The following SHISA9 variants were observed in gnomAD, a reference collection of about 807,000 sequenced individuals.
SHISA9 encodes the protein shisa family member 9.
A neutral mutation model predicts 38.0 loss-of-function variants in SHISA9; 13 were observed. The ratio of observed to expected loss-of-function variants is 0.34; its 90% confidence interval spans 0.22 to 0.54. SHISA9 has a LOEUF of 0.54. Ranked by LOEUF, SHISA9 falls within the 20% of genes least tolerant of loss-of-function variation. The pLI, the probability that SHISA9 is intolerant of heterozygous loss-of-function variation, is 0.91. For synonymous variants in SHISA9, 275 were observed against 242.0 expected, an observed-to-expected ratio of 1.14 and a Z score of -1.27; for missense variants, 538 against 575.8, an observed-to-expected ratio of 0.93 and a Z score of 0.67.
At chr16:13,534,108 C>G in the SHISA9 span, among the ~76,000 whole-genome samples, 24 of 152,082 alleles carry the variant, frequency 1.6e-4, no homozygotes, top group Admixed American at 1.5e-3. Context: ...AAGAACACTT[C>G]CCTTAATACC....
At chr16:13,253,060 T>C in the SHISA9 span, among the ~76,000 whole-genome samples, 2 of 152,220 alleles carry the variant, frequency 1.3e-5, no homozygotes, top group Admixed American at 1.3e-4. Flanking sequence ...ATAGGAAATA[T>C]ATTTTCCCTT....
At chr16:13,443,618 G>A in the SHISA9 span, among the ~76,000 whole-genome samples, 65 of 152,208 alleles carry the variant, frequency 4.3e-4, no homozygotes, top group African/African-American at 1.5e-3. Context: ...AATCAATTCT[G>A]CATGTTCCCA....
At chr16:13,504,479 A>G in the SHISA9 span, among the ~76,000 whole-genome samples, 1 of 152,170 alleles carries the variant, frequency 6.6e-6, no homozygotes, top group Non-Finnish European at 1.5e-5. Context: ...TAATCCCATT[A>G]GTCACATTCA....
chr16:13,502,255 C>G, the SHISA9 span, among the ~76,000 whole-genome samples: 2 of 152,246 alleles, frequency 1.3e-5, no homozygotes, highest in South Asian at 4.2e-4. Flanking sequence ...CAAGATGATT[C>G]ACACCCATGA....
At chr16:13,038,470 C>T (rs2073098827) in intron 2 of SHISA9, among the ~76,000 whole-genome samples, 1 of 152,214 alleles carries the variant, frequency 6.6e-6, no homozygotes, top group African/African-American at 2.4e-5. Context: ...TTGCTCTATT[C>T]CAACCTCTTG....
the SHISA9 span, among the ~76,000 whole-genome samples, chr16:13,520,373 G>A: frequency 2.6e-5 from 4 of 151,988 alleles, no homozygotes; most frequent in African/African-American, 9.7e-5. Flanking sequence ...GCCAAGGCGG[G>A]CAGATCACGA....
At chr16:12,933,798 C>T (rs569904252) in intron 2 of SHISA9, among the ~76,000 whole-genome samples, 6 of 152,126 alleles carry the variant, frequency 3.9e-5, no homozygotes, top group Admixed American at 1.3e-4. Flanking sequence ...TAGTTAGGCA[C>T]TGTGTTAATG....
At chr16:13,186,895 G>A (rs762804934) in intron 2 of SHISA9, among the ~76,000 whole-genome samples, 3 of 152,156 alleles carry the variant, frequency 2.0e-5, no homozygotes, top group African/African-American at 7.2e-5. Context: ...CATGGCATGG[G>A]TCAGAGCTTC....
chr16:13,229,536 AG>A (rs1161753251), intron 4 of SHISA9, among the ~76,000 whole-genome samples: 1 of 152,162 alleles, frequency 6.6e-6, no homozygotes, highest in African/African-American at 2.4e-5. Context: ...GAATCACCTG[AG>A]GGACTTAGAA....
rs139727528 is a variant in SHISA9, at chr16:12,946,397, A to G, written c.691+29582A>G. On this transcript the variant is annotated intron_variant, in intron 2 of 4. Coordinates refer to ENST00000558583, the MANE Select transcript of SHISA9 (RefSeq NM_001145204.3). The stretch of plus-strand genomic sequence containing the variant: ...AAGTAAAAAGACAATACCAGCATGG[A>G]GCTAGATTGTGTTTCCTAGAAGCAA... 4.4e-4 allele frequency among the ~76,000 whole-genome samples: 67 copies of G among 152,334 alleles called. No homozygotes were observed. In the East Asian group the frequency reaches 0.012, roughly 27 times the overall value.
intron 2 of SHISA9, among the ~76,000 whole-genome samples, chr16:13,163,958 A>T (rs2142014984): frequency 6.6e-6 from 1 of 151,814 alleles, no homozygotes; most frequent in South Asian, 2.1e-4. Context: ...TCCAATATGG[A>T]CTCTGATTCT....
At chr16:13,429,982 C>T in the SHISA9 span, among the ~76,000 whole-genome samples, 3 of 152,080 alleles carry the variant, frequency 2.0e-5, no homozygotes, top group Non-Finnish European at 4.4e-5. Flanking sequence ...TAAATGGGAT[C>T]CTTAATGTAG....
chr16:13,146,173 G>A (rs2050445782), intron 2 of SHISA9, among the ~76,000 whole-genome samples: 1 of 152,230 alleles, frequency 6.6e-6, no homozygotes, highest in Admixed American at 6.5e-5. Flanking sequence ...CTGGGTGACA[G>A]AGTGAGTGAG....
Position 13,020,262 on chromosome 16 carries a change from G to A in SHISA9, c.691+103447G>A, listed in dbSNP as rs965914671. ...GCTTGTCTTGAACTCCTGACCTCAGGTGATCTGCCCACCTCAGCCTCCCAC... is the reference window on the plus strand; with the variant it reads ...GCTTGTCTTGAACTCCTGACCTCAGATGATCTGCCCACCTCAGCCTCCCAC... On this transcript the variant is annotated intron_variant, in intron 2 of 4. Transcript: ENST00000558583. Among the ~76,000 whole-genome samples, 13 of 151,734 alleles carry A rather than the reference G, an allele frequency of 8.6e-5. 1 individual carries two copies. The highest frequency in any genetic ancestry group is 3.1e-4 in the African/African-American group (13 of 41,292).
intron 2 of SHISA9, among the ~76,000 whole-genome samples, chr16:13,149,942 A>T (rs965384409): frequency 2.0e-5 from 3 of 150,846 alleles, no homozygotes; most frequent in African/African-American, 7.3e-5. Flanking sequence ...AGAAAAAAAA[A>T]AAGGAAAAAA....
At chr16:13,156,886 CA>C (rs1312218736) in intron 2 of SHISA9, among the ~76,000 whole-genome samples, 2 of 152,160 alleles carry the variant, frequency 1.3e-5, no homozygotes, top group Non-Finnish European at 2.9e-5. Flanking sequence ...TGCGCTTCTC[CA>C]CATCATGTGC....
intron 2 of SHISA9, among the ~76,000 whole-genome samples, chr16:13,200,448 A>ACACAC (rs1567245542): frequency 1.3e-5 from 2 of 150,086 alleles, no homozygotes; most frequent in Non-Finnish European, 3.0e-5. Flanking sequence ...ACACAGCAGC[A>ACACAC]GCAGCAGCAG....
the SHISA9 span, among the ~76,000 whole-genome samples, chr16:13,262,242 G>A: frequency 6.6e-5 from 10 of 152,280 alleles, no homozygotes; most frequent in Admixed American, 1.3e-4. Flanking sequence ...GAAAAGAATG[G>A]GATTGATACC....
the SHISA9 span, among the ~76,000 whole-genome samples, chr16:13,500,607 G>T: frequency 4.0e-5 from 6 of 151,222 alleles, no homozygotes; most frequent in African/African-American, 1.2e-4. Flanking sequence ...AGTGGAGTGT[G>T]GGGGGAGGCA....
Sources: allele counts gnomAD v4.1 joint callset (sites outside exome capture counted in the v4.1 genomes callset), GRCh38; gene constraint gnomAD v4.1.1; transcripts MANE v1.5; gene names NCBI Gene and HGNC (gene_info 2026-07-23, HGNC 2026-07-21).